REXO5: variants seen among roughly 807,000 people sequenced by gnomAD.
REXO5 encodes exonuclease NEF-sp.
A neutral mutation model predicts 88.5 loss-of-function variants in REXO5; 48 were observed. The ratio of observed to expected loss-of-function variants is 0.54; its 90% confidence interval spans 0.43 to 0.69. REXO5 has a LOEUF of 0.69. Ranked by LOEUF, REXO5 falls within the 30% of genes least tolerant of loss-of-function variation. REXO5 has a pLI of 0.00. For synonymous variants in REXO5, 311 were observed against 336.5 expected (o/e 0.92, Z 0.83); for missense variants, 749 against 912.2 (o/e 0.82, Z 2.30).
At chr16:20,806,435 G>T (rs759054050), upstream of REXO5, 1 of 1,553,272 alleles carries the variant, frequency 6.4e-7, no homozygotes, top group African/African-American at 1.4e-5. Flanking sequence ...CGCCATTCCC[G>T]ACACTCCTTG....
In REXO5 at chr16:20,832,237, G is replaced by A. The variant is rs754017047; in HGVS notation, c.1240G>A (p.Val414Ile). The A allele has an allele frequency of 6.2e-7, 1 of 1,610,336 alleles. No individual in the cohort carries two copies. Among genetic ancestry groups the A allele is most frequent in the Non-Finnish European group, 8.5e-7 (1 of 1,177,820 alleles). Residue 414 changes from valine to isoleucine, a missense_variant, in exon 12 of 20, where the codon GTA becomes ATA. Val to Ile is a conservative substitution (Grantham distance 29). Coordinates refer to ENST00000261377, the MANE Select transcript of REXO5 (RefSeq NM_030941.3). ...AGQEPKNTAE[V>I]LQHPNTSVLE... ...CCAAGAGCCTAAAAACACAGCAGAA[G>A]TACTTCAGCACCCAAACACAAGGTA...
chr16:20,835,311 T>C (rs2081409496), intron 13 of REXO5, among the ~76,000 whole-genome samples: 1 of 152,176 alleles, frequency 6.6e-6, no homozygotes. Context: ...TTCTTGCTTT[T>C]AAGGTTTGTT....
At chr16:20,813,165 G>A (rs779532738) in intron 2 of REXO5, 25 bp from the exon 3 acceptor site, 1 of 1,451,354 alleles carries the variant, frequency 6.9e-7, no homozygotes, top group Admixed American at 1.7e-5. Context: ...ATAATGGCTT[G>A]CTACGCCCTG....
chr16:20,818,335 C>T lies in REXO5; in HGVS notation c.475+2123C>T, dbSNP rs540023705. Among the ~76,000 whole-genome samples, 11 of 152,166 alleles carry T rather than the reference C, an allele frequency of 7.2e-5. No individual in the cohort carries two copies. In the East Asian group the frequency reaches 1.2e-3, roughly 16 times the overall value. On this transcript the variant is annotated intron_variant, in intron 5 of 19. Coordinates refer to ENST00000261377, the MANE Select transcript of REXO5 (RefSeq NM_030941.3). ...GAATTCCTAGTGGCCAAAACAGTGC[C>T]GGCTACATAATAAAGTTATAAATAT...
rs2081581756 is a variant in REXO5, at chr16:20,844,772, C to CG, written c.1863_1864insG (p.Phe622ValfsTer11). On this transcript the variant is annotated frameshift_variant, in exon 17 of 20. Coordinates refer to ENST00000261377, the MANE Select transcript of REXO5 (RefSeq NM_030941.3). LOFTEE classifies it high-confidence loss of function. Reference sequence around the variant, plus strand: ...AACAGCTATTGCAGGAGCCCCGCCTCTTTCTTGGCCTGGAAGCTGTGATCT... The same window carrying CG: ...AACAGCTATTGCAGGAGCCCCGCCTCGTTTCTTGGCCTGGAAGCTGTGATCT... The CG allele has an allele frequency of 6.2e-7, 1 of 1,614,084 alleles. No homozygotes were observed. Among genetic ancestry groups the CG allele is most frequent in the African/African-American group, 1.3e-5 (1 of 74,934 alleles).
At chr16:20,807,637 C>T (rs956185662) in intron 2 of REXO5, among the ~76,000 whole-genome samples, 6 of 148,908 alleles carry the variant, frequency 4.0e-5, no homozygotes, top group Admixed American at 2.7e-4. Context: ...TGCAGTGGCT[C>T]ACGCCTGTAA....
rs1324269975 is a variant in REXO5 at position 20,806,642 on chromosome 16, C to T, written c.-66C>T. ...GGTTTTAGGCGGCGAAGCCGCTCGG[C>T]AGCACCTTCCTTCTTTGCCAGGCAG... On this transcript the variant is annotated 5_prime_UTR_variant, in exon 1 of 20. Transcript: ENST00000261377. 7 of 1,218,556 alleles carry T rather than the reference C, an allele frequency of 5.7e-6. No homozygotes were observed. The highest frequency in any genetic ancestry group is 7.7e-6 in the Non-Finnish European group (7 of 904,646). The allele number at this position is 1,218,556 out of a possible 1,614,324, so 75.5% of individuals were successfully genotyped here. A position where few individuals can be genotyped will look rare whatever the true frequency, so the allele number is the denominator to read the frequency against.
chr16:20,846,148 A>G (rs2081603264), intron 18 of REXO5, 73 bp from the exon 19 acceptor site: 6 of 1,147,858 alleles, frequency 5.2e-6, no homozygotes, highest in African/African-American at 3.0e-5. Flanking sequence ...AGGCAGAGGA[A>G]GAGTGTTGCA....
chr16:20,819,899 C>G (rs1241735562), intron 5 of REXO5, among the ~76,000 whole-genome samples: 1 of 152,120 alleles, frequency 6.6e-6, no homozygotes, highest in African/African-American at 2.4e-5. Context: ...CTAAGACTTG[C>G]AGTTATGCAC....
intron 2 of REXO5, among the ~76,000 whole-genome samples, chr16:20,812,974 A>G (rs2081023245): frequency 6.6e-6 from 1 of 152,242 alleles, no homozygotes; most frequent in Admixed American, 6.5e-5. Flanking sequence ...CCAAGTATCT[A>G]TAATTCAGTT....
intron 13 of REXO5, among the ~76,000 whole-genome samples, chr16:20,835,616 C>T (rs2152509188): frequency 7.1e-6 from 1 of 140,226 alleles, no homozygotes; most frequent in Admixed American, 7.6e-5. Context: ...TTTCCAATAT[C>T]CCGAGAACTG....
intron 13 of REXO5, among the ~76,000 whole-genome samples, chr16:20,838,354 A>C (rs1643170754): frequency 6.6e-6 from 1 of 152,166 alleles, no homozygotes; most frequent in African/African-American, 2.4e-5. Flanking sequence ...TTATTGTGAA[A>C]GAGATCTTAT....
chr16:20,843,062 G>A (rs1189330405), intron 15 of REXO5, among the ~76,000 whole-genome samples: 2 of 152,166 alleles, frequency 1.3e-5, no homozygotes, highest in African/African-American at 4.8e-5. Context: ...TATCTCATTT[G>A]GGTTTGATTT....
rs568826901 is a variant in REXO5 at position 20,832,496 on chromosome 16, A to G, written c.1262+237A>G. On this transcript the variant is annotated intron_variant, in intron 12 of 19. Transcript: ENST00000261377. ...GGTCTAAAATGATATCCTTGATCAA[A>G]AAAAAAAAAAAGAAAAAATAATTGG... Among the ~76,000 whole-genome samples, 137 of 149,902 alleles carry G rather than the reference A, an allele frequency of 9.1e-4. 4 individuals are homozygous for G. The South Asian group carries it at 0.028, about 31-fold the overall frequency.
chr16:20,827,523 A>G, intron 10 of REXO5, 76 bp downstream of exon 10: 2 of 1,048,084 alleles, frequency 1.9e-6, no homozygotes, highest in South Asian at 1.4e-5. Context: ...AATTTAATGC[A>G]TATTGCAAAA....
In REXO5 at chr16:20,834,850, A is replaced by G. The variant is rs139455691; in HGVS notation, c.1383+1727A>G. ...CTAGTTAACATTCAGACTTTCCTCT[A>G]GCTTCTTAAATTTCAGAATATAGTT... On this transcript the variant is annotated intron_variant, in intron 13 of 19. Coordinates refer to ENST00000261377, the MANE Select transcript of REXO5 (RefSeq NM_030941.3). Among the ~76,000 whole-genome samples the G allele has an allele frequency of 1.3e-3, 204 of 152,258 alleles. 1 individual carries two copies. The highest frequency in any genetic ancestry group is 4.7e-3 in the African/African-American group (196 of 41,564).
intron 2 of REXO5, among the ~76,000 whole-genome samples, chr16:20,811,962 G>A (rs939100475): frequency 1.3e-5 from 2 of 152,130 alleles, no homozygotes; most frequent in Admixed American, 6.5e-5. Context: ...CCAAGATGAT[G>A]ATGATGGTCC....
At chr16:20,825,623 G>A (rs566446450) in intron 7 of REXO5, 3 of 525,648 alleles carry the variant, frequency 5.7e-6, no homozygotes, top group Non-Finnish European at 1.0e-5. Context: ...TCTTTGTGCA[G>A]ACTACACTGT....
In REXO5 at chr16:20,816,192, A is replaced by G. The variant is rs1160473295; in HGVS notation, c.455A>G (p.Asp152Gly). The G allele has an allele frequency of 5.0e-6, 8 of 1,613,812 alleles. No homozygotes were observed. Among genetic ancestry groups the G allele is most frequent in the Admixed American group, 3.3e-5 (2 of 60,008 alleles). The change falls in exon 5 of 20, where the codon GAT (aspartate) becomes GGT (glycine). Residue 152 changes from aspartate (D) to glycine (G), a missense_variant. Physicochemically the swap from Asp to Gly is moderately conservative, Grantham distance 94. Coordinates refer to ENST00000261377, the MANE Select transcript of REXO5 (RefSeq NM_030941.3). ...CTACAAACTGAACAAAGAGCTGGAG[A>G]TCTGCCCAAGACAATGGAAGGTATA... ...VGLQTEQRAG[D>G]LPKTMEGPLP...
Sources: allele counts gnomAD v4.1 joint callset (sites outside exome capture counted in the v4.1 genomes callset), GRCh38; gene constraint gnomAD v4.1.1; transcripts MANE v1.5; gene names NCBI Gene and HGNC (gene_info 2026-07-23, HGNC 2026-07-21).